Variants in SMARCA2 observed in about 807,000 individuals in gnomAD.
The protein encoded by SMARCA2 is SWI/SNF-related matrix-associated actin-dependent regulator of chromatin subfamily A member 2.
A neutral mutation model predicts 199.8 loss-of-function variants in SMARCA2; 61 were observed. The ratio of observed to expected loss-of-function variants is 0.31; its 90% CI spans 0.25 to 0.38. SMARCA2 has a LOEUF of 0.38. Among genes scored for constraint, SMARCA2 ranks in the 10% least tolerant of loss-of-function variants. The probability of loss-of-function intolerance (pLI) is 1.00; values close to 1 mark genes in which losing one functional copy is unlikely to be tolerated. For synonymous variants in SMARCA2, 935 were observed against 732.0 expected, an observed-to-expected ratio of 1.28 and a Z score of -4.48; for missense variants, 1,344 against 2,012.2, an observed-to-expected ratio of 0.67 and a Z score of 6.35.
At chr9:2,150,741 C>G (rs976531921) in intron 27 of SMARCA2, among the ~76,000 whole-genome samples, 1 of 151,496 alleles carries the variant, frequency 6.6e-6, no homozygotes, top group African/African-American at 2.4e-5. Flanking sequence ...GTTTAAACAA[C>G]AGAGATTTAT....
At chr9:2,152,325 G>T (rs1478937815) in intron 27 of SMARCA2, among the ~76,000 whole-genome samples, 2 of 152,108 alleles carry the variant, frequency 1.3e-5, no homozygotes, top group Admixed American at 6.5e-5. Context: ...GCCGGGGCAG[G>T]TGGATCACCT....
At chr9:2,140,290 G>C (rs1824401066) in intron 27 of SMARCA2, among the ~76,000 whole-genome samples, 2 of 152,098 alleles carry the variant, frequency 1.3e-5, no homozygotes, top group East Asian at 3.9e-4. Context: ...ATATTCATTT[G>C]CATTTAATTT....
intron 27 of SMARCA2, among the ~76,000 whole-genome samples, chr9:2,137,801 G>A (rs1824273175): frequency 6.6e-6 from 1 of 152,168 alleles, no homozygotes; most frequent in African/African-American, 2.4e-5. Flanking sequence ...AATATACTAG[G>A]CAGAAATGAG....
chr9:2,101,678 C>T, intron 22 of SMARCA2, 62 bp downstream of exon 22: 1 of 819,082 alleles, frequency 1.2e-6, no homozygotes, highest in Non-Finnish European at 2.1e-6. Context: ...TAAACTCCTC[C>T]TCTCTACAGT....
At chr9:2,163,336 C>T (rs1232935475) in intron 28 of SMARCA2, among the ~76,000 whole-genome samples, 1 of 152,136 alleles carries the variant, frequency 6.6e-6, no homozygotes, top group Non-Finnish European at 1.5e-5. Context: ...AGAATGGCAA[C>T]CCCATTCTCT....
At chr9:2,092,869 G>A (rs995842606) in intron 19 of SMARCA2, among the ~76,000 whole-genome samples, 4 of 152,192 alleles carry the variant, frequency 2.6e-5, no homozygotes, top group African/African-American at 9.7e-5. Context: ...GCTTTCACAT[G>A]CATGCTCTAA....
intron 27 of SMARCA2, among the ~76,000 whole-genome samples, chr9:2,154,612 C>T (rs897240223): frequency 6.6e-6 from 1 of 152,138 alleles, no homozygotes; most frequent in Non-Finnish European, 1.5e-5. Flanking sequence ...GGCTCAGTTC[C>T]TCATGGACGG....
chr9:2,184,667 A>G (rs1376685441), intron 31 of SMARCA2, among the ~76,000 whole-genome samples: 3 of 152,052 alleles, frequency 2.0e-5, no homozygotes, highest in South Asian at 2.1e-4. Flanking sequence ...CAATATCTTA[A>G]GCAGAAAATT....
At chr9:2,081,239 C>G (rs560298792) in intron 14 of SMARCA2, among the ~76,000 whole-genome samples, 1 of 152,118 alleles carries the variant, frequency 6.6e-6, no homozygotes, top group African/African-American at 2.4e-5. Flanking sequence ...TTCAGAAATA[C>G]GTTGAGCATG....
chr9:2,180,874 ATGTGAAGCATCCACACTTAAGCT>A (rs776284166), intron 29 of SMARCA2, among the ~76,000 whole-genome samples: 11 of 152,210 alleles, frequency 7.2e-5, no homozygotes, highest in Non-Finnish European at 1.3e-4. Context: ...AATCCCAGAA[ATGTGAAGCATCCACACTTAAGCT>A]TGTGAAACAT....
At chr9:2,181,013 G>A (rs934440409) in intron 29 of SMARCA2, among the ~76,000 whole-genome samples, 5 of 152,008 alleles carry the variant, frequency 3.3e-5, no homozygotes, top group Non-Finnish European at 5.9e-5. Context: ...TTTACAGTAT[G>A]TAAAATACCC....
intron 27 of SMARCA2, among the ~76,000 whole-genome samples, chr9:2,136,431 G>C (rs1824200487): frequency 6.6e-6 from 1 of 151,952 alleles, no homozygotes; most frequent in African/African-American, 2.4e-5. Flanking sequence ...CAAGTGATCT[G>C]CCCACCTCAG....
intron 27 of SMARCA2, among the ~76,000 whole-genome samples, chr9:2,127,464 G>C (rs1237574198): frequency 1.3e-5 from 2 of 152,168 alleles, no homozygotes; most frequent in Non-Finnish European, 2.9e-5. Flanking sequence ...GTCCATGGTA[G>C]GTATACCTGA....
intron 12 of SMARCA2, among the ~76,000 whole-genome samples, chr9:2,075,871 T>G (rs1236497724): frequency 6.6e-6 from 1 of 152,176 alleles, no homozygotes; most frequent in African/African-American, 2.4e-5. Flanking sequence ...AGCTCTACAA[T>G]CTGGCTTTGG....
intron 18 of SMARCA2, 186 bp downstream of exon 18, chr9:2,087,257 A>G: frequency 1.5e-6 from 1 of 657,836 alleles, no homozygotes; most frequent in Non-Finnish European, 2.6e-6. Flanking sequence ...AGGAAAATGG[A>G]TCTAGTGGTA....
rs1160519046 is a variant in SMARCA2, at chr9:2,086,810, C to T, written c.2527-19C>T. ...TTTCCCTTGCTTACTACACGTCCGTCCTTCCTCTTGTGTTATAGATTCGGT... is the reference window on the plus strand; with the variant it reads ...TTTCCCTTGCTTACTACACGTCCGTTCTTCCTCTTGTGTTATAGATTCGGT... On this transcript the variant is annotated intron_variant, in intron 17 of 33. Transcript: ENST00000349721. The surrounding 1 kb of genome is among the most constrained non-coding windows in gnomAD (Gnocchi z 4.3). 1.2e-6 allele frequency: 2 copies of T among 1,613,778 alleles called. No individual in the cohort carries two copies. The highest frequency in any genetic ancestry group is 2.2e-5 in the East Asian group (1 of 44,870).
intron 27 of SMARCA2, among the ~76,000 whole-genome samples, chr9:2,128,472 G>A (rs1414442739): frequency 6.6e-6 from 1 of 152,200 alleles, no homozygotes; most frequent in African/African-American, 2.4e-5. Flanking sequence ...CTCCTTGACT[G>A]ATTTCTCCAC....
chr9:2,135,806 G>C (rs1343704058), intron 27 of SMARCA2, among the ~76,000 whole-genome samples: 1 of 152,064 alleles, frequency 6.6e-6, no homozygotes, highest in African/African-American at 2.4e-5. Context: ...GCCTCCCAAA[G>C]TGCTGGGATT....
In SMARCA2 at chr9:2,033,011, G is replaced by C; in HGVS notation, c.285G>C (p.Lys95Asn). The part of the protein sequence containing the change: ...IVEDIHCGSM[K>N]GTGMRPPHPG... ...AAGACATCCATTGTGGATCCATGAA[G>C]GGCACTGGTATGCGACCACCTCACC... Residue 95 changes from lysine (K) to asparagine (N), a missense_variant, in exon 3 of 34, where the codon AAG (lysine) becomes AAC (asparagine). Lys to Asn is a moderately conservative substitution (Grantham distance 94). Coordinates refer to ENST00000349721, the MANE Select transcript of SMARCA2 (RefSeq NM_003070.5). The C allele has an allele frequency of 1.2e-6, 2 of 1,613,986 alleles. No homozygotes were observed. The highest frequency in any genetic ancestry group is 1.7e-5 in the Admixed American group (1 of 60,026).
Sources: gnomAD v4.1 joint callset for allele counts (sites outside exome capture counted in the v4.1 genomes callset) on GRCh38, gnomAD v4.1.1 for gene constraint, Gnocchi (gnomAD v3.1) non-coding constraint, MANE v1.5 for transcripts, NCBI Gene and HGNC (gene_info 2026-07-23, HGNC 2026-07-21) for gene names.